Variants in CREB5 observed in about 807,000 individuals in gnomAD.
CREB5 encodes the protein cyclic AMP-responsive element-binding protein 5.
A neutral mutation model predicts 57.1 loss-of-function variants in CREB5; 19 were observed. That is an observed-to-expected ratio of 0.33 (90% CI 0.23 to 0.49). The LOEUF is 0.49. CREB5 is among the 20% of genes least tolerant of loss of function. The pLI, the probability that CREB5 is intolerant of heterozygous loss-of-function variation, is 0.99. For synonymous variants in CREB5, 238 were observed against 238.3 expected (o/e 1.00, Z 0.01); for missense variants, 579 against 671.6 (o/e 0.86, Z 1.52).
At position 28,494,962 on chromosome 7, in the gene CREB5, G is replaced by C; in HGVS notation, c.132G>C (p.Leu44Phe). ...ATAGGCACAAACATGAAATGACTTT[G>C]AAGTTTCCTTCAATAAAAACAGACA... ...MIHRHKHEMT[L>F]KFPSIKTDNM... is the part of the protein sequence containing the mutation. The change falls in exon 3 of 11, where the codon TTG (leucine) becomes TTC (phenylalanine). Residue 44 changes from leucine to phenylalanine, a missense_variant. Coordinates refer to ENST00000357727, the MANE Select transcript of CREB5 (RefSeq NM_182898.4). 2 of 1,608,150 alleles carry C rather than the reference G, an allele frequency of 1.2e-6. No homozygotes were observed. The highest frequency in any genetic ancestry group is 1.7e-6 in the Non-Finnish European group (2 of 1,178,786).
chr7:28,742,242 G>C (rs1326131404), intron 7 of CREB5, among the ~76,000 whole-genome samples: 1 of 152,088 alleles, frequency 6.6e-6, no homozygotes, highest in Middle Eastern at 3.4e-3. Flanking sequence ...ACTAATTGAA[G>C]CAATTCTATG....
chr7:28,777,853 A>C (rs1806750243), intron 7 of CREB5, among the ~76,000 whole-genome samples: 1 of 152,228 alleles, frequency 6.6e-6, no homozygotes, highest in African/African-American at 2.4e-5. Context: ...AAAAGAAAAT[A>C]AAAATAATAG....
chr7:28,540,572 A>G (rs185285196), intron 4 of CREB5, among the ~76,000 whole-genome samples: 7 of 152,334 alleles, frequency 4.6e-5, no homozygotes, highest in Non-Finnish European at 8.8e-5. Flanking sequence ...GAATTCTTCT[A>G]TACCATTCCA....
At chr7:28,646,422 C>T (rs1376343796) in intron 5 of CREB5, among the ~76,000 whole-genome samples, 1 of 152,134 alleles carries the variant, frequency 6.6e-6, no homozygotes, top group African/African-American at 2.4e-5. Context: ...AGGCCTGGTG[C>T]TGCCATCTCC....
At chr7:28,372,515 G>A (rs927785312) in intron 1 of CREB5, among the ~76,000 whole-genome samples, 33 of 152,202 alleles carry the variant, frequency 2.2e-4, no homozygotes, top group African/African-American at 7.2e-4. Flanking sequence ...CATTACAATC[G>A]TATTATTTGA....
intron 5 of CREB5, among the ~76,000 whole-genome samples, chr7:28,659,219 G>C (rs536377631): frequency 6.6e-6 from 1 of 151,772 alleles, no homozygotes; most frequent in South Asian, 2.1e-4. Flanking sequence ...CAATTATTTC[G>C]TATCTGGAAA....
At chr7:28,815,136 T>TG (rs1809350060) in intron 9 of CREB5, among the ~76,000 whole-genome samples, 1 of 152,120 alleles carries the variant, frequency 6.6e-6, no homozygotes, top group Non-Finnish European at 1.5e-5. Flanking sequence ...AGGTGGGCAT[T>TG]GTGGCACATG....
chr7:28,616,907 T>G (rs1204696191), intron 5 of CREB5, among the ~76,000 whole-genome samples: 2 of 152,244 alleles, frequency 1.3e-5, no homozygotes, highest in African/African-American at 4.8e-5. Flanking sequence ...TCTCCATTCT[T>G]TAAACAAGTG....
At chr7:28,501,382 G>A (rs562912276) in intron 3 of CREB5, among the ~76,000 whole-genome samples, 1 of 152,336 alleles carries the variant, frequency 6.6e-6, no homozygotes, top group South Asian at 2.1e-4. Context: ...CAAATAGAAT[G>A]TAAGTGTTAC....
intron 4 of CREB5, among the ~76,000 whole-genome samples, chr7:28,547,386 G>A (rs951775872): frequency 4.0e-5 from 6 of 151,856 alleles, no homozygotes; most frequent in East Asian, 1.9e-4. Flanking sequence ...ATCTCTTCAC[G>A]GATACAAAAT....
At chr7:28,353,334 G>T (rs1786272796) in intron 1 of CREB5, among the ~76,000 whole-genome samples, 1 of 152,100 alleles carries the variant, frequency 6.6e-6, no homozygotes, top group African/African-American at 2.4e-5. Context: ...CCAAAGTCCT[G>T]TCCTAGATCC....
intron 2 of CREB5, among the ~76,000 whole-genome samples, chr7:28,488,837 G>A (rs899912135): frequency 8.5e-5 from 13 of 152,180 alleles, no homozygotes; most frequent in Non-Finnish European, 1.5e-4. Flanking sequence ...GGAATTCGAA[G>A]AGATACTGCT....
chr7:28,451,560 G>A (rs1445913563), intron 1 of CREB5, among the ~76,000 whole-genome samples: 2 of 151,342 alleles, frequency 1.3e-5, no homozygotes, highest in Non-Finnish European at 2.9e-5. Context: ...GGTTTGTGAG[G>A]TTGTAGCTTA....
intron 1 of CREB5, among the ~76,000 whole-genome samples, chr7:28,455,147 G>A (rs147254394): frequency 7.4e-4 from 113 of 152,332 alleles, no homozygotes; most frequent in African/African-American, 2.6e-3. Context: ...TCAGTTACAC[G>A]TTTAATCTTG....
intron 5 of CREB5, chr7:28,685,955 G>C (rs547816279): frequency 1.8e-6 from 1 of 558,720 alleles, no homozygotes; most frequent in African/African-American, 1.9e-5. Context: ...AAAAGGAGAA[G>C]GGGGAGGAGG....
chr7:28,692,032 A>G (rs1212951078), intron 5 of CREB5, among the ~76,000 whole-genome samples: 1 of 149,572 alleles, frequency 6.7e-6, no homozygotes, highest in Non-Finnish European at 1.5e-5. Flanking sequence ...AAAAAAAACA[A>G]CAAATTAGCT....
chr7:28,628,705 G>T (rs1375985070), intron 5 of CREB5, among the ~76,000 whole-genome samples: 1 of 152,162 alleles, frequency 6.6e-6, no homozygotes, highest in Non-Finnish European at 1.5e-5. Context: ...ACAATATGCT[G>T]CATGTTATTG....
At chr7:28,492,252 G>C (rs952681023) in intron 2 of CREB5, among the ~76,000 whole-genome samples, 4 of 152,246 alleles carry the variant, frequency 2.6e-5, no homozygotes, top group Admixed American at 6.5e-5. Context: ...CATCCGCCTC[G>C]GCTTCCCAAA....
At position 28,490,838 on chromosome 7, in the gene CREB5, G is replaced by A. The variant is rs376467508; in HGVS notation, c.75+2592G>A. The stretch of plus-strand genomic sequence containing the variant: ...TTCTTTTCGATCCCTTGTCTTTGGG[G>A]ATCATCTACTTCTAATCTATGTTCT... On this transcript the variant is annotated intron_variant, in intron 2 of 10. Transcript: ENST00000357727. 1.2e-3 allele frequency among the ~76,000 whole-genome samples: 178 copies of A among 152,360 alleles called. 3 individuals are homozygous for A. The South Asian group carries it at 0.036, about 31-fold the overall frequency.
Sources: allele counts gnomAD v4.1 joint callset (sites outside exome capture counted in the v4.1 genomes callset), GRCh38; gene constraint gnomAD v4.1.1; transcripts MANE v1.5; gene names NCBI Gene and HGNC (gene_info 2026-07-23, HGNC 2026-07-21).